Variants in EML4 observed in about 807,000 individuals in gnomAD.
EML4 encodes EMAP like 4.
A neutral mutation model predicts 129.0 loss-of-function variants in EML4; 72 were observed. The ratio of observed to expected loss-of-function variants is 0.56; its 90% CI spans 0.46 to 0.68. EML4 has a LOEUF of 0.68. EML4 is among the 30% of genes least tolerant of loss of function. EML4 has a pLI of 0.00. For missense variants in EML4, 1,363 were observed against 1,190.6 expected (o/e 1.14, Z -2.13); for synonymous variants, 532 against 405.0 (o/e 1.31, Z -3.77).
chr2:42,210,348 T>A (rs1672820723), intron 1 of EML4, among the ~76,000 whole-genome samples: 1 of 152,158 alleles, frequency 6.6e-6, no homozygotes. Flanking sequence ...TTGTCTGATG[T>A]TTTGGGGAGG....
intron 22 of EML4, 137 bp from the exon 23 acceptor site, chr2:42,329,597 T>G: frequency 1.5e-6 from 1 of 663,576 alleles, no homozygotes; most frequent in East Asian, 2.7e-5. Context: ...CTCCTGAGAT[T>G]TGATGACTTC....
intron 1 of EML4, among the ~76,000 whole-genome samples, chr2:42,220,691 AT>A (rs1558513493): frequency 6.6e-6 from 1 of 152,208 alleles, no homozygotes. Context: ...TGAAGCTTAG[AT>A]GAAGAAGGCA....
At chr2:42,244,012 AG>A (rs1675205858) in intron 1 of EML4, among the ~76,000 whole-genome samples, 1 of 24,178 alleles carries the variant, frequency 4.1e-5, no homozygotes, top group African/African-American at 2.4e-4. Flanking sequence ...TTTAACAGTT[AG>A]TTATTTCCCT....
chr2:42,215,437 G>T (rs1012357038), intron 1 of EML4, among the ~76,000 whole-genome samples: 2 of 151,882 alleles, frequency 1.3e-5, no homozygotes, highest in African/African-American at 4.8e-5. Context: ...AATATTTTAT[G>T]TACCTATAAA....
intron 2 of EML4, among the ~76,000 whole-genome samples, chr2:42,252,293 T>G (rs1675826884): frequency 6.6e-6 from 1 of 152,194 alleles, no homozygotes; most frequent in Non-Finnish European, 1.5e-5. Context: ...GTGAATAGCA[T>G]TCTTTTGTCA....
intron 1 of EML4, among the ~76,000 whole-genome samples, chr2:42,178,597 C>T (rs920048364): frequency 5.9e-5 from 9 of 152,158 alleles, no homozygotes; most frequent in South Asian, 4.2e-4. Flanking sequence ...GAGTATCCCC[C>T]GTGTGGTGCC....
intron 11 of EML4, chr2:42,289,007 T>G (rs1256113842): frequency 6.6e-6 from 1 of 152,208 alleles, no homozygotes; most frequent in Non-Finnish European, 1.5e-5. Context: ...AACATCACAT[T>G]ACTCTCCAAC....
chr2:42,273,981 T>C (rs1666516709), intron 6 of EML4, among the ~76,000 whole-genome samples: 1 of 152,170 alleles, frequency 6.6e-6, no homozygotes, highest in African/African-American at 2.4e-5. Context: ...TTTGTTTGGA[T>C]AAAGAACCTT....
chr2:42,216,537 G>A (rs1347327869), intron 1 of EML4, among the ~76,000 whole-genome samples: 5 of 151,938 alleles, frequency 3.3e-5, no homozygotes, highest in Non-Finnish European at 5.9e-5. Flanking sequence ...CACCAGGCCC[G>A]GCCCATTTCT....
intron 17 of EML4, among the ~76,000 whole-genome samples, chr2:42,310,418 C>A (rs190570145): frequency 6.6e-6 from 1 of 151,994 alleles, no homozygotes; most frequent in Non-Finnish European, 1.5e-5. Context: ...AATCTCAGCT[C>A]ACTTGCAGCC....
intron 1 of EML4, among the ~76,000 whole-genome samples, chr2:42,203,646 T>TG (rs934382500): frequency 1.3e-5 from 2 of 151,396 alleles, no homozygotes; most frequent in Non-Finnish European, 2.9e-5. Context: ...ACCCCTTTTT[T>TG]TTTTTTGTAG....
At chr2:42,266,060 A>T (rs529291031) in intron 6 of EML4, among the ~76,000 whole-genome samples, 6 of 152,338 alleles carry the variant, frequency 3.9e-5, no homozygotes, top group African/African-American at 1.4e-4. Context: ...CTGTTCTATT[A>T]TAGTAACCAG....
At chr2:42,295,697 T>C (rs1667907609) in intron 13 of EML4, among the ~76,000 whole-genome samples, 181 bp downstream of exon 13, 1 of 152,236 alleles carries the variant, frequency 6.6e-6, no homozygotes, top group Non-Finnish European at 1.5e-5. Context: ...TCCAGTTATT[T>C]ATTAAGCTTA....
At chr2:42,237,616 G>A (rs759655575) in intron 1 of EML4, among the ~76,000 whole-genome samples, 1 of 152,102 alleles carries the variant, frequency 6.6e-6, no homozygotes, top group Admixed American at 6.5e-5. Context: ...CCAAAAACCT[G>A]ACTACTGATA....
At chr2:42,300,734 A>T (rs982167508) in intron 13 of EML4, among the ~76,000 whole-genome samples, 1 of 152,200 alleles carries the variant, frequency 6.6e-6, no homozygotes, top group Non-Finnish European at 1.5e-5. Flanking sequence ...CTGTTACCTC[A>T]GAAGGTCAAC....
chr2:42,317,558 T>C (rs1247111628), intron 19 of EML4, 34 bp downstream of exon 19: 2 of 1,476,288 alleles, frequency 1.4e-6, no homozygotes, highest in Admixed American at 2.0e-5. Context: ...TGTAAAATTA[T>C]TGGGAAATTT....
intron 1 of EML4, among the ~76,000 whole-genome samples, chr2:42,171,821 C>G (rs1558470368): frequency 6.6e-6 from 1 of 152,074 alleles, no homozygotes; most frequent in South Asian, 2.1e-4. Flanking sequence ...GTCCCCCTTG[C>G]AAGAGTAAAA....
At chr2:42,210,755 G>A (rs1672842828) in intron 1 of EML4, among the ~76,000 whole-genome samples, 1 of 151,986 alleles carries the variant, frequency 6.6e-6, no homozygotes. Flanking sequence ...TTGGCCATAG[G>A]TTGGCTCCTA....
At chr2:42,212,709 C>T (rs901850504) in intron 1 of EML4, among the ~76,000 whole-genome samples, 3 of 152,212 alleles carry the variant, frequency 2.0e-5, no homozygotes, top group African/African-American at 7.2e-5. Context: ...AGATAGTCCC[C>T]TTCATGCATT....
Sources: gnomAD v4.1 joint callset for allele counts (sites outside exome capture counted in the v4.1 genomes callset) on GRCh38, gnomAD v4.1.1 for gene constraint, MANE v1.5 for transcripts, NCBI Gene and HGNC (gene_info 2026-07-23, HGNC 2026-07-21) for gene names.